ADARB2: variants seen among roughly 807,000 people sequenced by gnomAD.
ADARB2 encodes the protein inactive double-stranded RNA-specific editase B2.
A neutral mutation model predicts 62.2 loss-of-function variants in ADARB2; 25 were observed. The observed-to-expected ratio is 0.40, with a 90% CI of 0.29 to 0.56. The LOEUF (loss-of-function observed/expected upper bound fraction) is 0.56. Ranked by LOEUF, ADARB2 falls within the 20% of genes least tolerant of loss-of-function variation. The pLI is 0.43. For missense variants in ADARB2, 1,071 were observed against 1,077.4 expected (o/e 0.99, Z 0.08); for synonymous variants, 572 against 500.8 (o/e 1.14, Z -1.90).
intron 1 of ADARB2, among the ~76,000 whole-genome samples, chr10:1,679,594 G>A (rs1335938832): frequency 1.3e-5 from 2 of 152,174 alleles, no homozygotes; most frequent in African/African-American, 4.8e-5. Context: ...TAATTGAGGT[G>A]TTTTTATGTT....
chr10:1,503,821 G>C (rs1327746886), intron 1 of ADARB2, among the ~76,000 whole-genome samples: 1 of 152,026 alleles, frequency 6.6e-6, no homozygotes, highest in Non-Finnish European at 1.5e-5. Flanking sequence ...CTCCTACTCT[G>C]CCATGTGACA....
At chr10:1,267,361 G>C (rs1016525783) in intron 4 of ADARB2, among the ~76,000 whole-genome samples, 40 of 152,306 alleles carry the variant, frequency 2.6e-4, no homozygotes, top group African/African-American at 8.9e-4. Flanking sequence ...TCACAAAGTT[G>C]ATCTCCCATC....
chr10:1,674,887 A>T (rs1158944518), intron 1 of ADARB2, among the ~76,000 whole-genome samples: 1 of 151,482 alleles, frequency 6.6e-6, no homozygotes. Flanking sequence ...GGGTTCAAGG[A>T]TGCATGGATG....
intron 1 of ADARB2, among the ~76,000 whole-genome samples, chr10:1,651,482 C>T (rs892302953): frequency 1.3e-5 from 2 of 152,242 alleles, no homozygotes; most frequent in Non-Finnish European, 2.9e-5. Flanking sequence ...GGGCCAAGTT[C>T]TCCACCAGCT....
At chr10:1,695,254 G>T (rs1834724404) in intron 1 of ADARB2, among the ~76,000 whole-genome samples, 1 of 152,118 alleles carries the variant, frequency 6.6e-6, no homozygotes, top group South Asian at 2.1e-4. Flanking sequence ...GCAAGAATGG[G>T]CTCTGCAGAA....
intron 2 of ADARB2, among the ~76,000 whole-genome samples, chr10:1,364,136 GCTA>G (rs1431335529): frequency 6.6e-6 from 1 of 152,238 alleles, no homozygotes; most frequent in Admixed American, 6.5e-5. Context: ...AGGGCCTGTG[GCTA>G]GGAGCTGTCG....
intron 1 of ADARB2, among the ~76,000 whole-genome samples, chr10:1,570,684 C>A (rs1832922924): frequency 6.6e-6 from 1 of 152,162 alleles, no homozygotes. Flanking sequence ...GATGGGGATT[C>A]TGACAGGCAA....
intron 1 of ADARB2, among the ~76,000 whole-genome samples, chr10:1,393,464 C>T (rs1364403176): frequency 6.6e-6 from 1 of 152,072 alleles, no homozygotes; most frequent in Non-Finnish European, 1.5e-5. Flanking sequence ...TTCATTCTTC[C>T]CAGTTATTTT....
intron 1 of ADARB2, among the ~76,000 whole-genome samples, chr10:1,683,659 C>A (rs954668123): frequency 3.3e-5 from 5 of 152,116 alleles, no homozygotes; most frequent in Non-Finnish European, 5.9e-5. Flanking sequence ...CAGAGCGGGT[C>A]ATGGCAAATG....
At position 1,510,121 on chromosome 10, in the gene ADARB2, T is replaced by TTTCTTTCTTTCTTTCC. The variant is rs1831912063; in HGVS notation, c.101-130962_101-130961insGGAAAGAAAGAAAGAA. ...TTTTCTTTCTTTCTCTCTTTCTTTC[T>TTTCTTTCTTTCTTTCC]TTCTTTCTTTCTTTCTTTCTTTCTT... On this transcript the variant is annotated intron_variant, in intron 1 of 9. Transcript: ENST00000381312. 6.0e-5 allele frequency among the ~76,000 whole-genome samples: 7 copies of TTTCTTTCTTTCTTTCC among 115,752 alleles called. No individual in the cohort carries two copies. In the East Asian group the frequency reaches 1.2e-3, roughly 19 times the overall value. 75.9% of individuals were successfully genotyped at this position (115,752 alleles called of 152,430 possible). A position where few individuals can be genotyped will look rare whatever the true frequency, so the allele number is the denominator to read the frequency against.
At chr10:1,358,040 G>A (rs1832213565) in intron 3 of ADARB2, among the ~76,000 whole-genome samples, 1 of 152,234 alleles carries the variant, frequency 6.6e-6, no homozygotes, top group South Asian at 2.1e-4. Flanking sequence ...TAGTGTGTGT[G>A]AGAGAGGAAG....
intron 1 of ADARB2, among the ~76,000 whole-genome samples, chr10:1,705,946 A>G (rs1834884971): frequency 6.6e-6 from 1 of 152,152 alleles, no homozygotes; most frequent in Admixed American, 6.5e-5. Flanking sequence ...GGTGAATTAC[A>G]GTGGTTTAAT....
intron 1 of ADARB2, among the ~76,000 whole-genome samples, chr10:1,674,486 A>C (rs1834435331): frequency 6.6e-6 from 1 of 152,330 alleles, no homozygotes. Context: ...TTGTAGTAAA[A>C]AGTCAGAATA....
chr10:1,216,653 T>C (rs992793130), intron 7 of ADARB2: 194 of 443,702 alleles, frequency 4.4e-4, no homozygotes, highest in Middle Eastern at 6.1e-4. Context: ...GGCCAGGCTG[T>C]GTTTGCCCCA....
chr10:1,475,416 G>T (rs547250365), intron 1 of ADARB2, among the ~76,000 whole-genome samples: 3 of 152,212 alleles, frequency 2.0e-5, no homozygotes, highest in Non-Finnish European at 4.4e-5. Flanking sequence ...TTCTGTCCCT[G>T]AGCAGCACAT....
intron 6 of ADARB2, among the ~76,000 whole-genome samples, chr10:1,225,329 G>C (rs1309176856): frequency 6.6e-6 from 1 of 152,126 alleles, no homozygotes; most frequent in African/African-American, 2.4e-5. Flanking sequence ...TGGGTTTCCT[G>C]AATACAGCAC....
intron 2 of ADARB2, among the ~76,000 whole-genome samples, chr10:1,371,889 G>A (rs1278260138): frequency 8.0e-6 from 1 of 125,492 alleles, no homozygotes; most frequent in East Asian, 2.0e-4. Context: ...CACTTCTATG[G>A]AAAACGGTAC....
intron 1 of ADARB2, among the ~76,000 whole-genome samples, chr10:1,389,974 T>C (rs1832556397): frequency 6.6e-6 from 1 of 152,178 alleles, no homozygotes; most frequent in African/African-American, 2.4e-5. Context: ...ATGAAATGTA[T>C]ATGTTCACAA....
intron 6 of ADARB2, among the ~76,000 whole-genome samples, chr10:1,233,222 C>T (rs1364594675): frequency 6.6e-5 from 10 of 152,130 alleles, no homozygotes; most frequent in Non-Finnish European, 1.0e-4. Flanking sequence ...GCTCACAGGG[C>T]GGGTTTGCAG....
Sources: gnomAD v4.1 joint callset for allele counts (sites outside exome capture counted in the v4.1 genomes callset) on GRCh38, gnomAD v4.1.1 for gene constraint, MANE v1.5 for transcripts, NCBI Gene and HGNC (gene_info 2026-07-23, HGNC 2026-07-21) for gene names.